MTUS2: variants seen among roughly 807,000 people sequenced by gnomAD.
MTUS2 encodes the protein microtubule-associated tumor suppressor candidate 2.
MTUS2 carries 40 observed loss-of-function variants against 114.1 expected under a neutral mutation model. The observed-to-expected ratio is 0.35, with a 90% CI of 0.27 to 0.46. The LOEUF is 0.46. MTUS2 is among the 20% of genes least tolerant of loss of function. MTUS2 has a pLI of 1.00. For synonymous variants in MTUS2, 688 were observed against 672.0 expected (o/e 1.02, Z -0.37); for missense variants, 1,679 against 1,705.4 (o/e 0.98, Z 0.27).
At chr13:29,251,656 A>G (rs959948254) in intron 5 of MTUS2, among the ~76,000 whole-genome samples, 2 of 152,138 alleles carry the variant, frequency 1.3e-5, no homozygotes, top group African/African-American at 2.4e-5. Flanking sequence ...TCTCATCTCT[A>G]TGAATTTGCC....
At chr13:29,264,453 A>G (rs2139476728) in intron 5 of MTUS2, among the ~76,000 whole-genome samples, 1 of 152,304 alleles carries the variant, frequency 6.6e-6, no homozygotes, top group South Asian at 2.1e-4. Context: ...GCAGTGCCCC[A>G]TTGGGGACTC....
At chr13:29,326,011 G>A (rs1399628928) in intron 7 of MTUS2, among the ~76,000 whole-genome samples, 2 of 152,172 alleles carry the variant, frequency 1.3e-5, no homozygotes, top group Admixed American at 1.3e-4. Context: ...ATGGAAAATA[G>A]GTCAAAGCCG....
chr13:29,480,260 G>C lies in MTUS2; in HGVS notation c.3295G>C (p.Glu1099Gln), dbSNP rs1200171198. ...CTGGCAGCAGCAGGCCGAGCTCCAGGAGCTGGAGGAGCGGCTGCAGCTGCA... is the reference window on the plus strand; with the variant it reads ...CTGGCAGCAGCAGGCCGAGCTCCAGCAGCTGGAGGAGCGGCTGCAGCTGCA... Reference protein sequence around the residue: ...LGWQQQAELQELEERLQLQFE... With the variant: ...LGWQQQAELQQLEERLQLQFE... The change falls in exon 10 of 16, where the codon GAG becomes CAG. Residue 1099 changes from glutamate to glutamine, a missense_variant. This residue lies in a region of MTUS2 where 822 missense variants were observed against 899.7 expected (regional missense o/e 0.91). Transcript: ENST00000612955. This position sits in a 1 kb window ranked among gnomAD's most constrained non-coding sequence, Gnocchi z 4.4. 12 of 1,553,776 alleles carry C rather than the reference G, an allele frequency of 7.7e-6. No homozygotes were observed. The Admixed American group carries it at 9.7e-5, about 13-fold the overall frequency.
At chr13:29,227,273 A>AAG (rs1555254051) in intron 5 of MTUS2, among the ~76,000 whole-genome samples, 69 of 146,150 alleles carry the variant, frequency 4.7e-4, no homozygotes, top group East Asian at 4.3e-3. Context: ...AAAAAAAAAA[A>AAG]AAAGAAACTG....
intron 6 of MTUS2, among the ~76,000 whole-genome samples, chr13:29,305,025 T>C (rs1473231175): frequency 6.6e-6 from 1 of 152,274 alleles, no homozygotes; most frequent in East Asian, 1.9e-4. Flanking sequence ...AACAACCTGC[T>C]TCTGAAAGAC....
At chr13:29,087,698 A>T (rs1419423724) in intron 4 of MTUS2, among the ~76,000 whole-genome samples, 1 of 152,274 alleles carries the variant, frequency 6.6e-6, no homozygotes, top group East Asian at 1.9e-4. Flanking sequence ...GAGTCCTTCC[A>T]TGATTTTTGG....
At chr13:29,298,746 G>A (rs1899059805) in intron 6 of MTUS2, among the ~76,000 whole-genome samples, 1 of 152,158 alleles carries the variant, frequency 6.6e-6, no homozygotes, top group African/African-American at 2.4e-5. Context: ...CATATGATAT[G>A]CATTCCTTTA....
chr13:29,075,517 T>C (rs1889152185), intron 4 of MTUS2, among the ~76,000 whole-genome samples: 1 of 152,238 alleles, frequency 6.6e-6, no homozygotes, highest in Non-Finnish European at 1.5e-5. Flanking sequence ...CTGTTTCTGC[T>C]AATATAATTA....
At chr13:29,256,144 C>A (rs992501667) in intron 5 of MTUS2, among the ~76,000 whole-genome samples, 1 of 152,122 alleles carries the variant, frequency 6.6e-6, no homozygotes, top group Admixed American at 6.5e-5. Flanking sequence ...AGCATAATAC[C>A]GACATGATAA....
intron 6 of MTUS2, among the ~76,000 whole-genome samples, chr13:29,300,929 C>T (rs1366459731): frequency 6.6e-6 from 1 of 152,156 alleles, no homozygotes; most frequent in Non-Finnish European, 1.5e-5. Flanking sequence ...CTGGAACATC[C>T]AAGATCAAGA....
intron 5 of MTUS2, among the ~76,000 whole-genome samples, chr13:29,104,700 C>T (rs1335638590): frequency 2.0e-5 from 3 of 152,116 alleles, no homozygotes; most frequent in African/African-American, 4.8e-5. Context: ...CTTACCAGTT[C>T]GTCACATGAA....
intron 5 of MTUS2, among the ~76,000 whole-genome samples, chr13:29,274,933 C>T (rs1032771477): frequency 6.6e-6 from 1 of 151,966 alleles, no homozygotes. Flanking sequence ...CAGGGTCTCA[C>T]TATGTTGCCT....
At chr13:29,304,270 A>C (rs1454200855) in intron 6 of MTUS2, among the ~76,000 whole-genome samples, 1 of 152,174 alleles carries the variant, frequency 6.6e-6, no homozygotes, top group Non-Finnish European at 1.5e-5. Context: ...TGATGACAGG[A>C]TCAAATTTAC....
chr13:29,171,984 G>A (rs1893581295), intron 5 of MTUS2, among the ~76,000 whole-genome samples: 1 of 152,216 alleles, frequency 6.6e-6, no homozygotes, highest in Non-Finnish European at 1.5e-5. Flanking sequence ...GGCTGGGAAA[G>A]GTCCTGTTTC....
chr13:29,218,952 C>CT (rs59003336), intron 5 of MTUS2, among the ~76,000 whole-genome samples: 81 of 145,238 alleles, frequency 5.6e-4, no homozygotes, highest in East Asian at 1.0e-3. Context: ...GCATTCATTT[C>CT]TTTTTTTTTT....
At chr13:29,126,602 T>TGG (rs1361723786) in intron 5 of MTUS2, among the ~76,000 whole-genome samples, 1 of 151,994 alleles carries the variant, frequency 6.6e-6, no homozygotes, top group African/African-American at 2.4e-5. Flanking sequence ...TTCGTAAACT[T>TGG]TCTTAAAACC....
intron 2 of MTUS2, among the ~76,000 whole-genome samples, chr13:28,955,413 A>C (rs1429748569): frequency 6.6e-6 from 1 of 152,246 alleles, no homozygotes; most frequent in African/African-American, 2.4e-5. Flanking sequence ...TTGCCACATT[A>C]GCCAGAGCCA....
intron 5 of MTUS2, among the ~76,000 whole-genome samples, chr13:29,126,171 T>A (rs1384730826): frequency 6.6e-6 from 1 of 152,126 alleles, no homozygotes; most frequent in African/African-American, 2.4e-5. Context: ...CTGCACTTCC[T>A]CTTTCCCTTA....
At chr13:29,022,787 T>C (rs1028077880) in intron 2 of MTUS2, among the ~76,000 whole-genome samples, 1 of 152,224 alleles carries the variant, frequency 6.6e-6, no homozygotes, top group African/African-American at 2.4e-5. Context: ...TTGAATAGAA[T>C]GGTTTAGTGG....
Sources: gnomAD v4.1 joint callset for allele counts (sites outside exome capture counted in the v4.1 genomes callset) on GRCh38, gnomAD v4.1.1 for gene constraint, gnomAD v4.1.1 regional missense constraint, Gnocchi (gnomAD v3.1) non-coding constraint, MANE v1.5 for transcripts, NCBI Gene and HGNC (gene_info 2026-07-23, HGNC 2026-07-21) for gene names.